The following AKAP19 variants were observed in gnomAD, a reference collection of about 807,000 sequenced individuals.
The protein encoded by AKAP19 is A-kinase anchoring protein 19.
the AKAP19 span, among the ~76,000 whole-genome samples, chr2:189,921,187 T>C: frequency 6.6e-6 from 1 of 152,216 alleles, no homozygotes; most frequent in East Asian, 1.9e-4. Context: ...CACACCATAC[T>C]TTCTGTTGGT....
the AKAP19 span, chr2:189,923,650 C>T: frequency 1.9e-6 from 3 of 1,614,052 alleles, no homozygotes; most frequent in African/African-American, 2.7e-5. Context: ...CGGAGATGTA[C>T]GGCTCCTCTT....
the AKAP19 span, among the ~76,000 whole-genome samples, chr2:189,904,080 CTTTGA>C: frequency 6.6e-6 from 1 of 151,340 alleles, no homozygotes; most frequent in African/African-American, 2.4e-5. Flanking sequence ...AATTTACTTT[CTTTGA>C]TTTATGTACA....
the AKAP19 span, among the ~76,000 whole-genome samples, chr2:190,171,643 C>G: frequency 6.6e-6 from 1 of 152,122 alleles, no homozygotes. Context: ...ATTTATTTCT[C>G]TTTTTTTGGC....
the AKAP19 span, among the ~76,000 whole-genome samples, chr2:189,896,091 A>G: frequency 6.6e-6 from 1 of 151,956 alleles, no homozygotes; most frequent in East Asian, 1.9e-4. Flanking sequence ...CTTTCAGTAT[A>G]TTAATAGAAG....
At chr2:190,138,482 G>A in the AKAP19 span, among the ~76,000 whole-genome samples, 2 of 152,226 alleles carry the variant, frequency 1.3e-5, no homozygotes, top group African/African-American at 4.8e-5. Context: ...TGTTCACACA[G>A]TCACTAAATA....
the AKAP19 span, among the ~76,000 whole-genome samples, chr2:190,028,223 T>C: frequency 6.6e-6 from 1 of 152,116 alleles, no homozygotes; most frequent in Non-Finnish European, 1.5e-5. Flanking sequence ...GGGTTTCAGA[T>C]GGTTTTACTT....
At chr2:189,972,100 T>G in the AKAP19 span, among the ~76,000 whole-genome samples, 2 of 152,282 alleles carry the variant, frequency 1.3e-5, no homozygotes, top group East Asian at 1.9e-4. Context: ...TCTTCTAGGG[T>G]TTTTATGGTT....
chr2:190,041,713 T>C, the AKAP19 span, among the ~76,000 whole-genome samples: 1 of 152,162 alleles, frequency 6.6e-6, no homozygotes, highest in African/African-American at 2.4e-5. Context: ...TATTGAGAGT[T>C]TTTATGTTGA....
chr2:189,965,639 A>G, the AKAP19 span, among the ~76,000 whole-genome samples: 1 of 90,972 alleles, frequency 1.1e-5, no homozygotes, highest in Admixed American at 1.1e-4. Flanking sequence ...ATAAAAAAAT[A>G]AAAAAAAAAA....
the AKAP19 span, among the ~76,000 whole-genome samples, chr2:190,177,206 T>C: frequency 6.6e-6 from 1 of 152,214 alleles, no homozygotes; most frequent in Admixed American, 6.5e-5. This position sits in a 1 kb window ranked among gnomAD's most constrained non-coding sequence, Gnocchi z 4.6. Flanking sequence ...TGGCTTCTTA[T>C]TTTGTAACCT....
chr2:189,912,481 C>T, the AKAP19 span, among the ~76,000 whole-genome samples: 3 of 152,148 alleles, frequency 2.0e-5, no homozygotes, highest in Non-Finnish European at 2.9e-5. Context: ...GCAGAGGCTG[C>T]AGGGAGCCAA....
At chr2:190,089,939 C>G in the AKAP19 span, among the ~76,000 whole-genome samples, 4 of 152,164 alleles carry the variant, frequency 2.6e-5, no homozygotes, top group African/African-American at 9.7e-5. Context: ...TGCTAGGAGT[C>G]AAGGAGAGTT....
At chr2:189,924,066 C>A in the AKAP19 span, 73 of 1,532,044 alleles carry the variant, frequency 4.8e-5, no homozygotes, top group East Asian at 1.6e-3. Flanking sequence ...GAGGGGGGTG[C>A]AGATGACTCT....
the AKAP19 span, among the ~76,000 whole-genome samples, chr2:190,035,410 A>AGG: frequency 1.4e-4 from 21 of 152,142 alleles, no homozygotes; most frequent in Admixed American, 1.2e-3. Flanking sequence ...CAGCCTGGGC[A>AGG]ACAGAGCCAG....
At chr2:190,134,531 A>AT in the AKAP19 span, among the ~76,000 whole-genome samples, 234 of 152,214 alleles carry the variant, frequency 1.5e-3, no homozygotes, top group African/African-American at 5.1e-3. Flanking sequence ...TAAGGTTATT[A>AT]TAACCATTAC....
the AKAP19 span, among the ~76,000 whole-genome samples, chr2:190,163,433 C>CA: frequency 4.8e-5 from 6 of 124,650 alleles, no homozygotes; most frequent in Admixed American, 4.2e-4. Flanking sequence ...GACTCCGTCT[C>CA]AAAAAAACAA....
the AKAP19 span, among the ~76,000 whole-genome samples, chr2:189,990,839 A>G: frequency 2.0e-5 from 3 of 152,094 alleles, no homozygotes; most frequent in African/African-American, 4.8e-5. Flanking sequence ...CTCAATGTGT[A>G]GTTTTTGATC....
the AKAP19 span, among the ~76,000 whole-genome samples, chr2:189,910,736 T>C: frequency 6.6e-6 from 1 of 152,004 alleles, no homozygotes; most frequent in South Asian, 2.1e-4. Flanking sequence ...TTACTTAAAT[T>C]CTCAATGAAC....
the AKAP19 span, among the ~76,000 whole-genome samples, chr2:189,928,445 T>G: frequency 1.3e-5 from 2 of 152,130 alleles, no homozygotes; most frequent in East Asian, 3.8e-4. Context: ...CATGTTTAAG[T>G]AGAAAACACA....
Sources: allele counts gnomAD v4.1 joint callset (sites outside exome capture counted in the v4.1 genomes callset), GRCh38; gene constraint gnomAD v4.1.1; non-coding constraint Gnocchi (gnomAD v3.1); transcripts MANE v1.5; gene names NCBI Gene and HGNC (gene_info 2026-07-23, HGNC 2026-07-21).